MFHAS1: variants seen among roughly 807,000 people sequenced by gnomAD.
The protein encoded by MFHAS1 is malignant fibrous histiocytoma-amplified sequence 1.
A neutral mutation model predicts 70.4 loss-of-function variants in MFHAS1; 50 were observed. That is an observed-to-expected ratio of 0.71 (90% CI 0.57 to 0.90). The LOEUF is 0.90. Among genes scored for constraint, MFHAS1 ranks in the 40% least tolerant of loss-of-function variants. The pLI is 0.00. For missense variants in MFHAS1, 1,795 were observed against 1,347.6 expected, an observed-to-expected ratio of 1.33 and a Z score of -5.20; for synonymous variants, 952 against 620.0, an observed-to-expected ratio of 1.54 and a Z score of -7.96.
At chr8:8,790,220 C>G (rs1805678156) in intron 2 of MFHAS1, 1 of 210,202 alleles carries the variant, frequency 4.8e-6, no homozygotes. Context: ...TCCTGTTCTC[C>G]AAAATCTCTT....
intron 1 of MFHAS1, among the ~76,000 whole-genome samples, chr8:8,862,609 T>C (rs1808708627): frequency 6.6e-6 from 1 of 152,168 alleles, no homozygotes; most frequent in African/African-American, 2.4e-5. Flanking sequence ...AGAGGAATTT[T>C]AGGGCAGTAA....
At chr8:8,875,279 A>G (rs1206104343) in intron 1 of MFHAS1, among the ~76,000 whole-genome samples, 2 of 152,240 alleles carry the variant, frequency 1.3e-5, no homozygotes, top group African/African-American at 2.4e-5. Flanking sequence ...CACTCACAAA[A>G]AAAACTGGGA....
intron 1 of MFHAS1, among the ~76,000 whole-genome samples, chr8:8,824,897 A>G (rs1310559475): frequency 6.6e-6 from 1 of 152,220 alleles, no homozygotes; most frequent in Non-Finnish European, 1.5e-5. Flanking sequence ...CGCTGGCCTC[A>G]CGGGAACAGA....
chr8:8,786,238 C>A (rs1805538388), intron 2 of MFHAS1, among the ~76,000 whole-genome samples, 183 bp from the exon 3 acceptor site: 1 of 152,180 alleles, frequency 6.6e-6, no homozygotes, highest in Non-Finnish European at 1.5e-5. Context: ...AGGAAAGAGT[C>A]ATTTTAGCAG....
At chr8:8,855,342 C>A (rs1024152419) in intron 1 of MFHAS1, among the ~76,000 whole-genome samples, 1 of 152,210 alleles carries the variant, frequency 6.6e-6, no homozygotes, top group African/African-American at 2.4e-5. Flanking sequence ...ACCACAGGAG[C>A]TCATTGTCTG....
intron 1 of MFHAS1, among the ~76,000 whole-genome samples, chr8:8,884,580 G>C (rs775562102): frequency 6.6e-5 from 10 of 152,192 alleles, no homozygotes; most frequent in Admixed American, 3.3e-4. Flanking sequence ...AACACTGTGA[G>C]GGGGAGGGAG....
At chr8:8,839,622 T>C (rs938091692) in intron 1 of MFHAS1, among the ~76,000 whole-genome samples, 9 of 152,232 alleles carry the variant, frequency 5.9e-5, no homozygotes, top group Non-Finnish European at 7.3e-5. Flanking sequence ...GCAGATCTGA[T>C]GATGGCATAT....
chr8:8,823,443 C>T (rs1807041171), intron 1 of MFHAS1, among the ~76,000 whole-genome samples: 1 of 152,124 alleles, frequency 6.6e-6, no homozygotes, highest in African/African-American at 2.4e-5. Context: ...CCCGAAACAC[C>T]GTGAGTCCTC....
chr8:8,800,607 T>G lies in MFHAS1; in HGVS notation c.2999-3116A>C, dbSNP rs149944088. ...AAGTTGCTGTGGGCACCCCAGTCTC[T>G]TAACACTCTTACTTCTGAGACTGCC... On this transcript the variant is annotated intron_variant, in intron 1 of 2. Transcript: ENST00000276282. Among the ~76,000 whole-genome samples, 15 of 152,286 alleles carry G rather than the reference T, an allele frequency of 9.8e-5. No individual in the cohort carries two copies. The East Asian group carries it at 2.7e-3, about 27-fold the overall frequency.
At chr8:8,837,582 G>A (rs1229206836) in intron 1 of MFHAS1, among the ~76,000 whole-genome samples, 1 of 152,050 alleles carries the variant, frequency 6.6e-6, no homozygotes, top group African/African-American at 2.4e-5. Context: ...GGCGGAGGTT[G>A]CAGTGAGCCA....
chr8:8,810,055 T>C (rs917950234), intron 1 of MFHAS1, among the ~76,000 whole-genome samples: 2 of 152,184 alleles, frequency 1.3e-5, no homozygotes, highest in African/African-American at 4.8e-5. Flanking sequence ...AGGGGAATCA[T>C]GTGAAGTCCT....
chr8:8,861,219 T>A (rs1370309032), intron 1 of MFHAS1, among the ~76,000 whole-genome samples: 1 of 152,238 alleles, frequency 6.6e-6, no homozygotes, highest in African/African-American at 2.4e-5. Flanking sequence ...AGGCCTTGTG[T>A]CTTACAAAAT....
chr8:8,797,820 T>G (rs111893587), intron 1 of MFHAS1, among the ~76,000 whole-genome samples: 1 of 152,166 alleles, frequency 6.6e-6, no homozygotes, highest in Non-Finnish European at 1.5e-5. Flanking sequence ...TATCAACGAC[T>G]GAGCCAGAGT....
Position 8,891,907 on chromosome 8 carries a change from G to C in MFHAS1, c.1152C>G (p.Val384=). Residue 384 remains valine (V), a synonymous_variant, in exon 1 of 3, where the codon GTC becomes GTG. Transcript: ENST00000276282. The surrounding 1 kb of genome is among the most constrained non-coding windows in gnomAD (Gnocchi z 5.4). ...DNPLIQPPYE[V]CMKGIPYIAA... ...CGATGTAGGGGATCCCCTTCATGCAGACCTCGTAGGGGGGCTGGATCAGTG... is the reference window on the plus strand; with the variant it reads ...CGATGTAGGGGATCCCCTTCATGCACACCTCGTAGGGGGGCTGGATCAGTG... The C allele has an allele frequency of 6.2e-7, 1 of 1,610,712 alleles. No individual in the cohort carries two copies. The highest frequency in any genetic ancestry group is 8.5e-7 in the Non-Finnish European group (1 of 1,178,214).
intron 2 of MFHAS1, among the ~76,000 whole-genome samples, chr8:8,794,244 C>G (rs943063285): frequency 1.8e-4 from 28 of 152,236 alleles, no homozygotes; most frequent in African/African-American, 5.5e-4. Flanking sequence ...GTTACCTCGG[C>G]TGGAGTTGAA....
At chr8:8,832,378 C>T (rs980730236) in intron 1 of MFHAS1, among the ~76,000 whole-genome samples, 8 of 147,574 alleles carry the variant, frequency 5.4e-5, no homozygotes, top group Admixed American at 1.4e-4. Flanking sequence ...AATGATAAGA[C>T]GACAAGCAAC....
intron 1 of MFHAS1, among the ~76,000 whole-genome samples, chr8:8,856,761 C>T (rs1808454753): frequency 6.6e-6 from 1 of 151,952 alleles, no homozygotes; most frequent in Non-Finnish European, 1.5e-5. Context: ...GATGTCTGGT[C>T]AATTAATGAG....
chr8:8,805,174 A>G (rs1806244863), intron 1 of MFHAS1, among the ~76,000 whole-genome samples: 1 of 152,052 alleles, frequency 6.6e-6, no homozygotes, highest in African/African-American at 2.4e-5. Flanking sequence ...AACTGCTACT[A>G]TTTTTCAAAT....
At chr8:8,874,002 C>T (rs923606657) in intron 1 of MFHAS1, among the ~76,000 whole-genome samples, 21 of 152,284 alleles carry the variant, frequency 1.4e-4, no homozygotes, top group East Asian at 7.7e-4. Flanking sequence ...TGTTCCAATA[C>T]ACATCACCAA....
Sources: allele counts gnomAD v4.1 joint callset (sites outside exome capture counted in the v4.1 genomes callset), GRCh38; gene constraint gnomAD v4.1.1; non-coding constraint Gnocchi (gnomAD v3.1); transcripts MANE v1.5; gene names NCBI Gene and HGNC (gene_info 2026-07-23, HGNC 2026-07-21).